The following SHPRH variants were observed in gnomAD, a reference collection of about 807,000 sequenced individuals.
The protein encoded by SHPRH is SNF2 histone linker PHD RING helicase.
Under a neutral mutation model 202.5 loss-of-function variants are expected in SHPRH, and 106 were observed. That is an observed-to-expected ratio of 0.52 (90% CI 0.45 to 0.62). The LOEUF (loss-of-function observed/expected upper bound fraction) is 0.62, where lower values mean the gene tolerates loss of function less well. Among genes scored for constraint, SHPRH ranks in the 20% least tolerant of loss-of-function variants. The pLI is 0.00. For synonymous variants in SHPRH, 729 were observed against 686.0 expected (o/e 1.06, Z -0.98); for missense variants, 1,710 against 2,020.0 (o/e 0.85, Z 2.94).
intron 4 of SHPRH, 66 bp downstream of exon 4, chr6:145,950,198 T>A (rs577907767): frequency 3.8e-6 from 5 of 1,331,982 alleles, no homozygotes; most frequent in African/African-American, 1.5e-5. Context: ...AATTTCACCC[T>A]GCCCTAATTG....
chr6:145,923,918 G>A, intron 17 of SHPRH, 133 bp from the exon 18 acceptor site: 2 of 830,374 alleles, frequency 2.4e-6, no homozygotes, highest in Non-Finnish European at 3.6e-6. Context: ...ATCACAGAGG[G>A]GAGACGAGTA....
At chr6:145,877,843 G>A (rs1284411285) in intron 2 of SHPRH, 4 of 152,120 alleles carry the variant, frequency 2.6e-5, no homozygotes, top group African/African-American at 7.2e-5. Context: ...CTGTCCACCC[G>A]AAAATGTTTA....
At chr6:145,939,241 G>C (rs890843649) in intron 11 of SHPRH, among the ~76,000 whole-genome samples, 2 of 152,154 alleles carry the variant, frequency 1.3e-5, no homozygotes, top group African/African-American at 4.8e-5. Context: ...CAAAATTCTA[G>C]AAAGTCTGGA....
Position 145,941,612 on chromosome 6 carries a change from GAA to G in SHPRH, c.2490+9_2490+10del. On this transcript the variant is annotated intron_variant, in intron 10 of 29. Coordinates refer to ENST00000275233, the MANE Select transcript of SHPRH (RefSeq NM_001042683.3). The stretch of plus-strand genomic sequence containing the variant: ...TCCCCAGCCCTCAAAAGATTTTGCA[GAA>G]ACTCTCACTTTTACTGTGGGACACT... The G allele has an allele frequency of 6.2e-7, 1 of 1,611,732 alleles. No individual in the cohort carries two copies. Among genetic ancestry groups the G allele is most frequent in the Non-Finnish European group, 8.5e-7 (1 of 1,178,402 alleles).
At chr6:145,932,391 A>G (rs1347394857) in intron 14 of SHPRH, among the ~76,000 whole-genome samples, 1 of 152,202 alleles carries the variant, frequency 6.6e-6, no homozygotes, top group African/African-American at 2.4e-5. Flanking sequence ...AAAAAAAGTG[A>G]TCCGTGAGAG....
chr6:145,891,594 T>G (rs1439343643), intron 28 of SHPRH, among the ~76,000 whole-genome samples: 1 of 152,132 alleles, frequency 6.6e-6, no homozygotes, highest in East Asian at 1.9e-4. Context: ...CAGAAGATAC[T>G]CAATAAAAAT....
At position 145,923,620 on chromosome 6, in the gene SHPRH, ACTTTTT is replaced by A. The variant is rs780749763; in HGVS notation, c.3545+17_3545+22del. On this transcript the variant is annotated intron_variant, in intron 18 of 29. Transcript: ENST00000275233. ...TTTGCTTTTAAAATTATGAGTAGAT[ACTTTTT>A]CTTCCTGTTTTCTTACTTCTCTGAC... is the stretch of plus-strand genomic sequence containing the variant. 25 of 1,608,132 alleles carry A rather than the reference ACTTTTT, an allele frequency of 1.6e-5. No individual in the cohort carries two copies. The highest frequency in any genetic ancestry group is 2.0e-5 in the Non-Finnish European group (23 of 1,177,182).
At chr6:145,881,989 G>C (rs1583278986), downstream of SHPRH, among the ~76,000 whole-genome samples, 1 of 151,950 alleles carries the variant, frequency 6.6e-6, no homozygotes, top group East Asian at 1.9e-4. Flanking sequence ...CCAGCTACCT[G>C]GGAGGTTGAG....
chr6:145,859,438 T>C (rs1779513372), downstream of SHPRH, among the ~76,000 whole-genome samples: 1 of 152,044 alleles, frequency 6.6e-6, no homozygotes, highest in East Asian at 1.9e-4. Flanking sequence ...CTATACATCA[T>C]TATTATGTTC....
intron 26 of SHPRH, among the ~76,000 whole-genome samples, chr6:145,894,545 GT>G (rs1285354665): frequency 6.6e-6 from 1 of 151,506 alleles, no homozygotes; most frequent in Non-Finnish European, 1.5e-5. Context: ...AAAACTAAGG[GT>G]TTTACTCAAC....
chr6:145,894,074 G>T (rs1037796276), intron 27 of SHPRH, 76 bp downstream of exon 27: 1 of 1,027,204 alleles, frequency 9.7e-7, no homozygotes, highest in East Asian at 2.7e-5. Context: ...GACAATAAAT[G>T]TAAGTAAGCT....
At chr6:145,925,341 T>TACACACACACACACACACAC (rs10631165) in intron 16 of SHPRH, among the ~76,000 whole-genome samples, 1 of 145,278 alleles carries the variant, frequency 6.9e-6, no homozygotes, top group Admixed American at 7.0e-5. Flanking sequence ...ATGTTCTCAC[T>TACACACACACACACACACAC]ACACACACAC....
chr6:145,927,041 T>C (rs9497431), intron 15 of SHPRH, 148 bp downstream of exon 15: 421,439 of 693,104 alleles, frequency 0.61, 130,865 homozygotes, highest in African/African-American at 0.78. Flanking sequence ...ATACAAATCA[T>C]CTAAAATGCT....
intron 3 of SHPRH, chr6:145,951,907 G>T: frequency 2.2e-6 from 1 of 455,700 alleles, no homozygotes; most frequent in Non-Finnish European, 4.4e-6. Flanking sequence ...CTGCAGTCCT[G>T]ACCAAAGATG....
downstream of SHPRH, among the ~76,000 whole-genome samples, chr6:145,881,162 T>C (rs1016431894): frequency 1.3e-5 from 2 of 152,246 alleles, no homozygotes; most frequent in South Asian, 2.1e-4. Context: ...TATTAAAACA[T>C]AGATTTTTAG....
chr6:145,933,094 A>G lies in SHPRH; in HGVS notation c.3075T>C (p.Cys1025=). The change falls in exon 14 of 30, where the codon TGT becomes TGC. Residue 1025 remains cysteine, a synonymous_variant. Coordinates refer to ENST00000275233, the MANE Select transcript of SHPRH (RefSeq NM_001042683.3). ...GAATGCCTGCTAAGCCATTGAGAGC[A>G]CAAACTAGCTGTCGATGTGCTTCTT... ...ECEEAHRQLV[C]ALNGLAGIHI... 6.2e-7 allele frequency: 1 copy of G among 1,613,866 alleles called. No individual in the cohort carries two copies. Among genetic ancestry groups the G allele is most frequent in the Non-Finnish European group, 8.5e-7 (1 of 1,179,850 alleles).
At position 145,935,370 on chromosome 6, in the gene SHPRH, A is replaced by T. The variant is rs748409829; in HGVS notation, c.2641T>A (p.Tyr881Asn). The change falls in exon 12 of 30, where the codon TAT becomes AAT. Residue 881 changes from tyrosine (Y) to asparagine (N), a missense_variant. By Grantham distance (143) the Tyr-to-Asn change is moderately radical. Coordinates refer to ENST00000275233, the MANE Select transcript of SHPRH (RefSeq NM_001042683.3). ...CVKHWWVRLL[Y>N]RPYCKKNPQH... is the part of the protein sequence containing the mutation. The stretch of plus-strand genomic sequence containing the variant: ...GGATTCTTCTTGCAGTAAGGCCGAT[A>T]GAGAAGTCGAACCCACCAGTGTTTG... The T allele has an allele frequency of 6.2e-7, 1 of 1,614,096 alleles. No individual in the cohort carries two copies. The highest frequency in any genetic ancestry group is 1.7e-5 in the Admixed American group (1 of 60,026).
chr6:145,893,901 T>A (rs958235092), intron 27 of SHPRH, among the ~76,000 whole-genome samples: 4 of 151,498 alleles, frequency 2.6e-5, no homozygotes, highest in Admixed American at 1.3e-4. Context: ...TCATAGGCAA[T>A]CTTTTCCTGT....
rs1329545979 is a variant in SHPRH at position 145,936,336 on chromosome 6, CTTTT to C, written c.2570-899_2570-896del. On this transcript the variant is annotated intron_variant, in intron 11 of 29. Coordinates refer to ENST00000275233, the MANE Select transcript of SHPRH (RefSeq NM_001042683.3). ...ACTATGAGTGTAATTTTGTAATTTT[CTTTT>C]TGTTTTTTTGAGACAAGGTCTTGCT... Among the ~76,000 whole-genome samples, 3 of 151,972 alleles carry C rather than the reference CTTTT, an allele frequency of 2.0e-5. No homozygotes were observed. The East Asian group carries it at 5.8e-4, about 29-fold the overall frequency.
Sources: allele counts gnomAD v4.1 joint callset (sites outside exome capture counted in the v4.1 genomes callset), GRCh38; gene constraint gnomAD v4.1.1; transcripts MANE v1.5; gene names NCBI Gene and HGNC (gene_info 2026-07-23, HGNC 2026-07-21).